The following ZMYND8 variants were observed in gnomAD, a reference collection of about 807,000 sequenced individuals.
The protein encoded by ZMYND8 is zinc finger MYND-type containing 8.
A neutral mutation model predicts 140.8 loss-of-function variants in ZMYND8; 37 were observed. The ratio of observed to expected loss-of-function variants is 0.26; its 90% confidence interval spans 0.20 to 0.35. The LOEUF (loss-of-function observed/expected upper bound fraction) is 0.35. Among genes scored for constraint, ZMYND8 ranks in the 10% least tolerant of loss-of-function variants. ZMYND8 has a pLI of 1.00. For missense variants in ZMYND8, 1,068 were observed against 1,570.0 expected (o/e 0.68, Z 5.40); for synonymous variants, 592 against 597.1 (o/e 0.99, Z 0.12).
chr20:47,318,909 A>G, intron 2 of ZMYND8: 1 of 1,323,480 alleles, frequency 7.6e-7, no homozygotes. Flanking sequence ...CCTCGGAGGC[A>G]GAACATGCGA....
At chr20:47,307,846 G>A (rs1047161223) in intron 3 of ZMYND8, among the ~76,000 whole-genome samples, 1 of 151,440 alleles carries the variant, frequency 6.6e-6, no homozygotes, top group South Asian at 2.1e-4. Flanking sequence ...AAGGCCAGGC[G>A]CGGTGGCTCA....
At chr20:47,283,176 G>C (rs1384291198) in intron 9 of ZMYND8, among the ~76,000 whole-genome samples, 1 of 152,098 alleles carries the variant, frequency 6.6e-6, no homozygotes, top group African/African-American at 2.4e-5. Context: ...GTTTTGGAGG[G>C]ACTATGGAGT....
intron 2 of ZMYND8, among the ~76,000 whole-genome samples, chr20:47,315,514 G>A (rs2079312597): frequency 6.6e-6 from 1 of 151,996 alleles, no homozygotes; most frequent in South Asian, 2.1e-4. Flanking sequence ...GACAGCAGGG[G>A]GGCATTATTA....
chr20:47,321,587 AT>A (rs562667510), intron 2 of ZMYND8, among the ~76,000 whole-genome samples: 7 of 152,230 alleles, frequency 4.6e-5, no homozygotes, highest in Non-Finnish European at 7.3e-5. Context: ...AGGTGCATGT[AT>A]TCATTAAGAA....
At chr20:47,290,158 C>G in intron 7 of ZMYND8, 29 bp downstream of exon 7, 1 of 1,602,106 alleles carries the variant, frequency 6.2e-7, no homozygotes, top group South Asian at 1.1e-5. Flanking sequence ...ACAGCATACT[C>G]TTTCTTAGGA....
chr20:47,274,342 G>A (rs888927250), intron 11 of ZMYND8, among the ~76,000 whole-genome samples: 12 of 152,216 alleles, frequency 7.9e-5, no homozygotes, highest in Admixed American at 2.0e-4. Flanking sequence ...GGACAAAGCT[G>A]CATTACAATT....
At chr20:47,321,436 T>C (rs1221828526) in intron 2 of ZMYND8, among the ~76,000 whole-genome samples, 1 of 152,152 alleles carries the variant, frequency 6.6e-6, no homozygotes, top group African/African-American at 2.4e-5. Flanking sequence ...TTGCTAAACA[T>C]TCTACAATGC....
Position 47,282,127 on chromosome 20 carries a change from C to A in ZMYND8, c.973G>T (p.Ala325Ser). 1 of 1,613,860 alleles carries A rather than the reference C, an allele frequency of 6.2e-7. No homozygotes were observed. The highest frequency in any genetic ancestry group is 2.2e-5 in the East Asian group (1 of 44,870). ...ALRDKDGQVDARFFGQHDRAW... is the reference protein window; with the variant it reads ...ALRDKDGQVDSRFFGQHDRAW... The stretch of plus-strand genomic sequence containing the variant: ...CTGTCATGTTGTCCAAAGAATCGGG[C>A]ATCGACCTGCCCGTCTTTATCCCTT... Residue 325 changes from alanine to serine, a missense_variant, in exon 10 of 23, where the codon GCC becomes TCC. By Grantham distance (99) the Ala-to-Ser change is moderately conservative. Coordinates refer to ENST00000471951, the MANE Select transcript of ZMYND8 (RefSeq NM_001281775.3).
chr20:47,286,544 A>G (rs1381454299), intron 8 of ZMYND8, among the ~76,000 whole-genome samples: 5 of 152,190 alleles, frequency 3.3e-5, no homozygotes, highest in Non-Finnish European at 7.4e-5. Context: ...CTATATATCC[A>G]TATATAAAAA....
chr20:47,286,742 G>A (rs545964930), intron 8 of ZMYND8, among the ~76,000 whole-genome samples: 23 of 152,216 alleles, frequency 1.5e-4, no homozygotes, highest in African/African-American at 5.5e-4. Flanking sequence ...CAGCTCACAC[G>A]CCTAAGAGGT....
At chr20:47,230,656 G>A (rs146586831) in intron 16 of ZMYND8, among the ~76,000 whole-genome samples, 3 of 151,990 alleles carry the variant, frequency 2.0e-5, no homozygotes, top group Non-Finnish European at 2.9e-5. Flanking sequence ...ATTATTTCCC[G>A]TCAAAAAACC....
In ZMYND8 at chr20:47,221,299, T is replaced by C. The variant is rs752469152; in HGVS notation, c.3417+15A>G. On this transcript the variant is annotated intron_variant, in intron 20 of 22. Transcript: ENST00000471951. ...GGGTAGATGTCACTAGCCAAAGGCA[T>C]GGGGGGATCCTCACCGAGCCACTCT... is the stretch of plus-strand genomic sequence containing the variant. 1.1e-5 allele frequency: 17 copies of C among 1,613,084 alleles called. No individual in the cohort carries two copies. In the Admixed American group the frequency reaches 2.7e-4, roughly 25 times the overall value.
At chr20:47,356,482 A>G (rs2083250262) in intron 1 of ZMYND8, 175 bp downstream of exon 1, 9 of 1,585,466 alleles carry the variant, frequency 5.7e-6, no homozygotes, top group Admixed American at 1.8e-5. Context: ...GCTAATGGCT[A>G]CTGAGCCATG....
intron 1 of ZMYND8, among the ~76,000 whole-genome samples, chr20:47,350,653 G>C (rs6066281): frequency 6.6e-6 from 1 of 152,074 alleles, no homozygotes; most frequent in Non-Finnish European, 1.5e-5. Flanking sequence ...TTCTTAAAAA[G>C]AAAAGGCAGC....
chr20:47,321,373 C>T (rs1275784988), intron 2 of ZMYND8, among the ~76,000 whole-genome samples: 1 of 152,176 alleles, frequency 6.6e-6, no homozygotes, highest in Non-Finnish European at 1.5e-5. Flanking sequence ...GTTGTCACAA[C>T]TGGGCAGGAA....
intron 16 of ZMYND8, among the ~76,000 whole-genome samples, chr20:47,231,299 T>C (rs1366938542): frequency 6.6e-6 from 1 of 152,162 alleles, no homozygotes. Flanking sequence ...GTGCTGAGTC[T>C]CTCCAGTGCT....
chr20:47,235,906 A>G (rs530373988), intron 16 of ZMYND8, among the ~76,000 whole-genome samples: 35 of 152,238 alleles, frequency 2.3e-4, no homozygotes, highest in Non-Finnish European at 4.7e-4. Context: ...TGGAAAAATC[A>G]AAGTGTGGGC....
At chr20:47,353,695 G>T (rs1316483060) in intron 1 of ZMYND8, 1 of 152,176 alleles carries the variant, frequency 6.6e-6, no homozygotes, top group Non-Finnish European at 1.5e-5. Context: ...TCCTCTTTGG[G>T]GACTGAGGAG....
At chr20:47,262,067 A>G (rs1411813007) in intron 12 of ZMYND8, among the ~76,000 whole-genome samples, 1 of 151,978 alleles carries the variant, frequency 6.6e-6, no homozygotes, top group East Asian at 1.9e-4. Context: ...GCGAAACTCC[A>G]TCTCAAAAAA....
Sources: gnomAD v4.1 joint callset for allele counts (sites outside exome capture counted in the v4.1 genomes callset) on GRCh38, gnomAD v4.1.1 for gene constraint, MANE v1.5 for transcripts, NCBI Gene and HGNC (gene_info 2026-07-23, HGNC 2026-07-21) for gene names.